MELTF: variants seen among roughly 807,000 people sequenced by gnomAD.
MELTF encodes antigen p97 (melanoma associated) identified by monoclonal antibodies 133.2 and 96.5.
Under a neutral mutation model 83.7 loss-of-function variants are expected in MELTF, and 67 were observed. That is an observed-to-expected ratio of 0.80 (90% confidence interval 0.66 to 0.98). The LOEUF (loss-of-function observed/expected upper bound fraction) is 0.98. Among genes scored for constraint, MELTF ranks in the 50% least tolerant of loss-of-function variants. The pLI, the probability that MELTF is intolerant of heterozygous loss-of-function variation, is 0.00. For missense variants in MELTF, 1,002 were observed against 1,035.6 expected, an observed-to-expected ratio of 0.97 and a Z score of 0.44; for synonymous variants, 462 against 447.6, an observed-to-expected ratio of 1.03 and a Z score of -0.41.
Position 197,022,857 on chromosome 3 carries a change from C to A in MELTF, c.644+100G>T, listed in dbSNP as rs1429657444. 2.6e-6 allele frequency: 3 copies of A among 1,152,714 alleles called. No individual in the cohort carries two copies. Among genetic ancestry groups the A allele is most frequent in the Admixed American group, 4.6e-5 (2 of 43,342 alleles). The allele number at this position is 1,152,714 out of a possible 1,614,324, so 71.4% of individuals were successfully genotyped here. A position where few individuals can be genotyped will look rare whatever the true frequency, so the allele number is the denominator to read the frequency against. On this transcript the variant is annotated intron_variant, in intron 5 of 15. Coordinates refer to ENST00000296350, the MANE Select transcript of MELTF (RefSeq NM_005929.6). The surrounding 1 kb of genome is among the most constrained non-coding windows in gnomAD (Gnocchi z 5.1). ...ATGAGACGCAGCCAACATGCCACTTCCCCCTCCACGGCCCTCTCTGGGCAA... is the reference window on the plus strand; with the variant it reads ...ATGAGACGCAGCCAACATGCCACTTACCCCTCCACGGCCCTCTCTGGGCAA...
In MELTF at chr3:197,017,144, T is replaced by G; in HGVS notation, c.859A>C (p.Thr287Pro). ...PAHAVVVRADTDGGLIFRLLN... is the reference protein window; with the variant it reads ...PAHAVVVRADPDGGLIFRLLN... The stretch of plus-strand genomic sequence containing the variant: ...AGCCGGAAGATGAGGCCCCCATCTG[T>G]GTCGGCCCGGACCACCACGGCGTGA... Residue 287 changes from threonine (T) to proline (P), a missense_variant, in exon 7 of 16, where the codon ACA becomes CCA. Thr to Pro is a conservative substitution (Grantham distance 38). Transcript: ENST00000296350. 1 of 1,612,224 alleles carries G rather than the reference T, an allele frequency of 6.2e-7. No homozygotes were observed. The highest frequency in any genetic ancestry group is 1.1e-5 in the South Asian group (1 of 90,402).
rs1349464705 is a variant in MELTF at position 197,019,144 on chromosome 3, T to C, written c.713-1854A>G. ...CTAAAGGTCATTGTTAATGGCCACATGGTAGTTTACAGCACTGTTAATGAT... is the reference window on the plus strand; with the variant it reads ...CTAAAGGTCATTGTTAATGGCCACACGGTAGTTTACAGCACTGTTAATGAT... On this transcript the variant is annotated intron_variant, in intron 6 of 15. Coordinates refer to ENST00000296350, the MANE Select transcript of MELTF (RefSeq NM_005929.6). 6.1e-6 allele frequency: 6 copies of C among 987,504 alleles called. No homozygotes were observed. The African/African-American group carries it at 8.7e-5, about 14-fold the overall frequency. 61.2% of individuals were successfully genotyped at this position (987,504 alleles called of 1,614,324 possible).
In MELTF at chr3:197,024,615, T is replaced by C. The variant is rs2148592306; in HGVS notation, c.305-130A>G. 11 of 650,544 alleles carry C rather than the reference T, an allele frequency of 1.7e-5. No individual in the cohort carries two copies. Among genetic ancestry groups the C allele is most frequent in the South Asian group, 3.6e-5 (1 of 27,406 alleles). 40.3% of individuals were successfully genotyped at this position (650,544 alleles called of 1,614,324 possible). ...ACGGCTGTACACACGGATGTGTGCA[T>C]AGCGTTCTCGTTACCAAGAGAGCAA... is the stretch of plus-strand genomic sequence containing the variant. On this transcript the variant is annotated intron_variant, in intron 3 of 15. Transcript: ENST00000296350. This position sits in a 1 kb window ranked among gnomAD's most constrained non-coding sequence, Gnocchi z 5.3.
chr3:197,022,996 CTCT>C lies in MELTF; in HGVS notation c.602_604del (p.Lys201del). 1 of 1,613,498 alleles carries C rather than the reference CTCT, an allele frequency of 6.2e-7. No homozygotes were observed. Among genetic ancestry groups the C allele is most frequent in the Non-Finnish European group, 8.5e-7 (1 of 1,179,954 alleles). The stretch of plus-strand genomic sequence containing the variant: ...GTAGTCGTAGTATCTCTCCAGGGGG[CTCT>C]TGTCACACACCCCTTCCCCAGAGCT... On this transcript the variant is annotated inframe_deletion, in exon 5 of 16. Coordinates refer to ENST00000296350, the MANE Select transcript of MELTF (RefSeq NM_005929.6). The surrounding 1 kb of genome is among the most constrained non-coding windows in gnomAD (Gnocchi z 5.1).
In MELTF at chr3:197,024,008, G is replaced by A. The variant is rs1194346757; in HGVS notation, c.487+295C>T. 9.7e-6 allele frequency: 6 copies of A among 621,634 alleles called. No homozygotes were observed. The highest frequency in any genetic ancestry group is 2.1e-5 in the Admixed American group (1 of 47,232). The allele number at this position is 621,634 out of a possible 1,614,324, so 38.5% of individuals were successfully genotyped here. ...ATACTGGTGGGAAGCACTCCTGGGA[G>A]ATTCACTGCTTCCCACTCATGGGCT... On this transcript the variant is annotated intron_variant, in intron 4 of 15. Transcript: ENST00000296350. This position sits in a 1 kb window ranked among gnomAD's most constrained non-coding sequence, Gnocchi z 5.3.
chr3:197,029,598 G>T lies in MELTF; in HGVS notation c.49+56C>A. 1 of 1,225,618 alleles carries T rather than the reference G, an allele frequency of 8.2e-7. No homozygotes were observed. Among genetic ancestry groups the T allele is most frequent in the Non-Finnish European group, 1.0e-6 (1 of 979,878 alleles). The allele number at this position is 1,225,618 out of a possible 1,614,324, so 75.9% of individuals were successfully genotyped here. Reference sequence around the variant, plus strand: ...TTCCAGCCCCGGGACCTGCTCAGCCGGGCCGCGGCGCCCCGGGACCCCCGC... The same window carrying T: ...TTCCAGCCCCGGGACCTGCTCAGCCTGGCCGCGGCGCCCCGGGACCCCCGC... On this transcript the variant is annotated intron_variant, in intron 1 of 15. Transcript: ENST00000296350. This position sits in a 1 kb window ranked among gnomAD's most constrained non-coding sequence, Gnocchi z 6.5.
At chr3:197,028,071 G>C (rs73893757) in intron 1 of MELTF, 161 bp from the exon 2 acceptor site, 11,740 of 777,428 alleles carry the variant, frequency 0.015, 454 homozygotes, top group South Asian at 0.093. Flanking sequence ...CGCAGAGACA[G>C]GGGAAGGGCT....
In MELTF at chr3:197,016,070, A is replaced by C. The variant is rs1719359043; in HGVS notation, c.1081+119T>G. On this transcript the variant is annotated intron_variant, in intron 8 of 15. Coordinates refer to ENST00000296350, the MANE Select transcript of MELTF (RefSeq NM_005929.6). ...CCAGGGGCAGAGGAATGGAAATGAC[A>C]GGTTCCCGCAGAGGCCTCCCTGGTG... 4.8e-6 allele frequency: 4 copies of C among 833,700 alleles called. No homozygotes were observed. The African/African-American group carries it at 7.1e-5, about 15-fold the overall frequency. 51.6% of individuals were successfully genotyped at this position (833,700 alleles called of 1,614,324 possible). A position where few individuals can be genotyped will look rare whatever the true frequency, so the allele number is the denominator to read the frequency against.
Position 197,015,407 on chromosome 3 carries a change from G to T in MELTF, c.1191C>A (p.Cys397Ter), listed in dbSNP as rs138362922. The change falls in exon 9 of 16, where the codon TGC becomes TGA. Residue 397 changes from cysteine to a stop codon, truncating the protein, a stop_gained. Coordinates refer to ENST00000296350, the MANE Select transcript of MELTF (RefSeq NM_005929.6). LOFTEE classifies it high-confidence loss of function. Reference sequence around the variant, plus strand: ...AGTGTTGGGGGGACTTGGCTGACACGCACTGGATCTCTGGCTTGAGCCGCT... The same window carrying T: ...AGTGTTGGGGGGACTTGGCTGACACTCACTGGATCTCTGGCTTGAGCCGCT... ...RRQRLKPEIQ[C>*]VSAKSPQHCM... 2 of 1,586,974 alleles carry T rather than the reference G, an allele frequency of 1.3e-6. No individual in the cohort carries two copies. Among genetic ancestry groups the T allele is most frequent in the African/African-American group, 2.7e-5 (2 of 74,392 alleles).
chr3:197,016,120 C>T, intron 8 of MELTF, 69 bp downstream of exon 8: 3 of 1,378,510 alleles, frequency 2.2e-6, no homozygotes, highest in Admixed American at 5.7e-5. Flanking sequence ...GCCACTTTCC[C>T]AGAGAGCCTC....
chr3:197,029,667 C>T lies in MELTF; in HGVS notation c.36G>A (p.Leu12=), dbSNP rs1720010693. Residue 12 remains leucine (L), a synonymous_variant, in exon 1 of 16, where the codon CTG becomes CTA. Transcript: ENST00000296350. This position sits in a 1 kb window ranked among gnomAD's most constrained non-coding sequence, Gnocchi z 6.5. ...GCGGGGCCTCACCGGTGCGCAGAGC[C>T]AGGAGCAGCCACAGAGCCCCGCTCG... ...RGPSGALWLL[L]ALRTVLGGME... 2 of 1,247,280 alleles carry T rather than the reference C, an allele frequency of 1.6e-6. No individual in the cohort carries two copies. Among genetic ancestry groups the T allele is most frequent in the South Asian group, 7.4e-5 (2 of 26,856 alleles). 77.3% of individuals were successfully genotyped at this position (1,247,280 alleles called of 1,614,324 possible). A position where few individuals can be genotyped will look rare whatever the true frequency, so the allele number is the denominator to read the frequency against.
chr3:197,008,690 C>T lies in MELTF; in HGVS notation c.1717G>A (p.Val573Ile), dbSNP rs1165005629. ...LVENAGDVAF[V>I]RHTTVFDNTN... Reference sequence around the variant, plus strand: ...TTGTCAAAGACGGTTGTGTGCCTGACGAAGGCAACGTCACCCGCATTCTCC... The same window carrying T: ...TTGTCAAAGACGGTTGTGTGCCTGATGAAGGCAACGTCACCCGCATTCTCC... The change falls in exon 13 of 16, where the codon GTC (valine) becomes ATC (isoleucine). Residue 573 changes from valine (V) to isoleucine (I), a missense_variant. By Grantham distance (29) the Val-to-Ile change is conservative. Transcript: ENST00000296350. The surrounding 1 kb of genome is among the most constrained non-coding windows in gnomAD (Gnocchi z 5.4). 9.3e-6 allele frequency: 15 copies of T among 1,614,102 alleles called. No homozygotes were observed. The highest frequency in any genetic ancestry group is 2.7e-5 in the African/African-American group (2 of 75,026).
rs140055207 is a variant in MELTF at position 197,020,250 on chromosome 3, T to C, written c.712+1154A>G. The stretch of plus-strand genomic sequence containing the variant: ...AAAGAGATCTAACAACTAAACCCCA[T>C]GCGTGGTAAGAGTTTAGGTCCTGGT... On this transcript the variant is annotated intron_variant, in intron 6 of 15. Coordinates refer to ENST00000296350, the MANE Select transcript of MELTF (RefSeq NM_005929.6). Among the ~76,000 whole-genome samples, 10 of 152,224 alleles carry C rather than the reference T, an allele frequency of 6.6e-5. No individual in the cohort carries two copies. In the East Asian group the frequency reaches 1.7e-3, roughly 26 times the overall value.
Position 197,006,538 on chromosome 3 carries a change from C to T in MELTF, c.1938+11G>A, listed in dbSNP as rs1718983147. The T allele has an allele frequency of 6.2e-7, 1 of 1,609,428 alleles. No homozygotes were observed. The highest frequency in any genetic ancestry group is 1.3e-5 in the African/African-American group (1 of 74,662). On this transcript the variant is annotated intron_variant, in intron 14 of 15. Coordinates refer to ENST00000296350, the MANE Select transcript of MELTF (RefSeq NM_005929.6). The surrounding 1 kb of genome is among the most constrained non-coding windows in gnomAD (Gnocchi z 5.4). The stretch of plus-strand genomic sequence containing the variant: ...CACACCCCTCAATGAGGTAGCCCCA[C>T]CCTGGCTCACCTGGGCCTTGTCCAG...
At chr3:197,005,068 A>C (rs1416488140) in intron 14 of MELTF, among the ~76,000 whole-genome samples, 3 of 152,194 alleles carry the variant, frequency 2.0e-5, no homozygotes, top group Non-Finnish European at 2.9e-5. Context: ...CCAGCTCTGC[A>C]GTTCTGTGGT....
At position 197,006,587 on chromosome 3, in the gene MELTF, T is replaced by C; in HGVS notation, c.1900A>G (p.Asn634Asp). The change falls in exon 14 of 16, where the codon AAC (asparagine) becomes GAC (aspartate). Residue 634 changes from asparagine to aspartate, a missense_variant. Asn to Asp is a conservative substitution (Grantham distance 23). Coordinates refer to ENST00000296350, the MANE Select transcript of MELTF (RefSeq NM_005929.6). The surrounding 1 kb of genome is among the most constrained non-coding windows in gnomAD (Gnocchi z 5.4). The part of the protein sequence containing the change: ...PHAVMVRPDT[N>D]IFTVYGLLDK... Reference sequence around the variant, plus strand: ...AGCAGTCCATACACGGTGAAGATGTTGGTGTCGGGCCGGACCATCACGGCG... The same window carrying C: ...AGCAGTCCATACACGGTGAAGATGTCGGTGTCGGGCCGGACCATCACGGCG... 6.2e-7 allele frequency: 1 copy of C among 1,612,188 alleles called. No individual in the cohort carries two copies. The highest frequency in any genetic ancestry group is 8.5e-7 in the Non-Finnish European group (1 of 1,179,176).
In MELTF at chr3:197,024,575, G is replaced by A. The variant is rs1184758313; in HGVS notation, c.305-90C>T. ...CCTGCCTGGGCGGGCTGTGGGAGAGGTGTGTGCACGGAGCACGGCTGTACA... is the reference window on the plus strand; with the variant it reads ...CCTGCCTGGGCGGGCTGTGGGAGAGATGTGTGCACGGAGCACGGCTGTACA... On this transcript the variant is annotated intron_variant, in intron 3 of 15. Transcript: ENST00000296350. This position sits in a 1 kb window ranked among gnomAD's most constrained non-coding sequence, Gnocchi z 5.3. The A allele has an allele frequency of 1.2e-5, 14 of 1,193,806 alleles. No individual in the cohort carries two copies. The highest frequency in any genetic ancestry group is 1.5e-5 in the African/African-American group (1 of 65,442). The allele number at this position is 1,193,806 out of a possible 1,614,324, so 74.0% of individuals were successfully genotyped here. A position where few individuals can be genotyped will look rare whatever the true frequency, so the allele number is the denominator to read the frequency against.
At chr3:197,014,384 T>G (rs1489377312) in intron 9 of MELTF, among the ~76,000 whole-genome samples, 9 of 73,490 alleles carry the variant, frequency 1.2e-4, no homozygotes, top group African/African-American at 5.2e-4. Context: ...ATAGGGAGAG[T>G]TTTTTTTTTT....
At chr3:197,019,948 A>T in intron 6 of MELTF, 1 of 1,184,162 alleles carries the variant, frequency 8.4e-7, no homozygotes, top group Non-Finnish European at 1.1e-6. Flanking sequence ...GATAACTAGC[A>T]GGGGCCTGAG....
Sources: allele counts gnomAD v4.1 joint callset (sites outside exome capture counted in the v4.1 genomes callset), GRCh38; gene constraint gnomAD v4.1.1; non-coding constraint Gnocchi (gnomAD v3.1); transcripts MANE v1.5; gene names NCBI Gene and HGNC (gene_info 2026-07-23, HGNC 2026-07-21).